The following GLIS3 variants were observed in gnomAD, a reference collection of about 807,000 sequenced individuals.
The protein encoded by GLIS3 is zinc finger protein GLIS3.
A neutral mutation model predicts 78.6 loss-of-function variants in GLIS3; 53 were observed. The ratio of observed to expected loss-of-function variants is 0.67; its 90% CI spans 0.54 to 0.85. GLIS3 has a LOEUF of 0.85. Ranked by LOEUF, GLIS3 falls within the 40% of genes least tolerant of loss-of-function variation. The pLI, the probability that GLIS3 is intolerant of heterozygous loss-of-function variation, is 0.00. For synonymous variants in GLIS3, 684 were observed against 509.9 expected (o/e 1.34, Z -4.60); for missense variants, 1,703 against 1,231.1 (o/e 1.38, Z -5.74).
intron 2 of GLIS3, among the ~76,000 whole-genome samples, chr9:4,285,099 G>A (rs963629417): frequency 8.5e-5 from 13 of 152,094 alleles, no homozygotes; most frequent in African/African-American, 2.9e-4. Context: ...TATTCTGAAG[G>A]TTGCTAGTAA....
chr9:4,320,116 T>G (rs1293787210), intron 2 of GLIS3, among the ~76,000 whole-genome samples: 2 of 152,112 alleles, frequency 1.3e-5, no homozygotes, highest in Non-Finnish European at 2.9e-5. Context: ...CTGGCAACAT[T>G]TGACTTCCCA....
intron 4 of GLIS3, among the ~76,000 whole-genome samples, chr9:4,077,568 G>A (rs1437171280): frequency 6.6e-6 from 1 of 152,194 alleles, no homozygotes; most frequent in Non-Finnish European, 1.5e-5. Flanking sequence ...ACCCTGGGTT[G>A]GCCGTTAAGC....
chr9:4,333,487 T>C (rs917601116), intron 2 of GLIS3, among the ~76,000 whole-genome samples: 2 of 152,248 alleles, frequency 1.3e-5, no homozygotes, highest in Non-Finnish European at 2.9e-5. Flanking sequence ...GAGAGATTTC[T>C]AGTCTTCTGA....
intron 2 of GLIS3, among the ~76,000 whole-genome samples, chr9:4,343,243 G>C (rs1215336622): frequency 6.6e-6 from 1 of 152,160 alleles, no homozygotes; most frequent in Admixed American, 6.5e-5. Context: ...TTGAAAGGCT[G>C]AGGTGGGAAG....
chr9:4,278,465 T>TC (rs1033856353), intron 2 of GLIS3, among the ~76,000 whole-genome samples: 10 of 152,244 alleles, frequency 6.6e-5, no homozygotes, highest in Middle Eastern at 3.4e-3. Flanking sequence ...TTCAAGGGGC[T>TC]CCCACTGGTC....
chr9:3,923,035 A>G (rs1314635754), intron 6 of GLIS3, among the ~76,000 whole-genome samples: 2 of 152,202 alleles, frequency 1.3e-5, no homozygotes, highest in Non-Finnish European at 2.9e-5. Flanking sequence ...GTCTCTCATG[A>G]TAGCATTTTG....
chr9:4,036,607 A>G (rs1824329301), intron 4 of GLIS3, among the ~76,000 whole-genome samples: 1 of 152,200 alleles, frequency 6.6e-6, no homozygotes, highest in Non-Finnish European at 1.5e-5. Context: ...AAAAACAGAG[A>G]GGCTACTGTG....
intron 2 of GLIS3, among the ~76,000 whole-genome samples, chr9:4,188,339 A>T (rs1818001776): frequency 6.7e-6 from 1 of 148,744 alleles, no homozygotes; most frequent in Admixed American, 6.8e-5. Flanking sequence ...CATCCCAGGG[A>T]TGAAGCCCAC....
chr9:4,013,764 T>TC (rs1286312536), intron 4 of GLIS3, among the ~76,000 whole-genome samples: 1 of 152,202 alleles, frequency 6.6e-6, no homozygotes, highest in East Asian at 1.9e-4. Context: ...GGGGCAGAAC[T>TC]CCTCCATGAA....
intron 4 of GLIS3, among the ~76,000 whole-genome samples, chr9:4,060,817 A>T (rs1826584350): frequency 6.6e-6 from 1 of 152,220 alleles, no homozygotes. Context: ...GGACTAAGAC[A>T]TGTGACATAT....
chr9:4,162,132 A>G (rs1229489652), intron 2 of GLIS3, among the ~76,000 whole-genome samples: 2 of 151,892 alleles, frequency 1.3e-5, no homozygotes, highest in African/African-American at 2.4e-5. Flanking sequence ...GTGATCTCCC[A>G]TCACCTCCTC....
At chr9:4,211,507 G>A (rs561674941) in intron 2 of GLIS3, among the ~76,000 whole-genome samples, 1 of 152,364 alleles carries the variant, frequency 6.6e-6, no homozygotes, top group Admixed American at 6.5e-5. Flanking sequence ...CAGACGGAGG[G>A]ATGAAAGGGC....
chr9:4,401,275 T>G, the GLIS3 span, among the ~76,000 whole-genome samples: 2 of 152,168 alleles, frequency 1.3e-5, no homozygotes, highest in Non-Finnish European at 2.9e-5. Flanking sequence ...TTTTTGTTTT[T>G]TGAGACAGAG....
chr9:4,353,725 G>T, the GLIS3 span, among the ~76,000 whole-genome samples: 2 of 152,132 alleles, frequency 1.3e-5, no homozygotes, highest in Non-Finnish European at 2.9e-5. Context: ...ATAGTCCTCC[G>T]TCGTTTTTCT....
intron 2 of GLIS3, among the ~76,000 whole-genome samples, chr9:4,191,333 A>G (rs1220402137): frequency 6.6e-6 from 1 of 152,208 alleles, no homozygotes; most frequent in Non-Finnish European, 1.5e-5. Flanking sequence ...TTTTCAACTG[A>G]GCATTTTAGA....
intron 1 of GLIS3, among the ~76,000 whole-genome samples, chr9:4,288,600 C>T (rs887206964): frequency 6.6e-5 from 10 of 152,066 alleles, no homozygotes; most frequent in African/African-American, 2.4e-4. Flanking sequence ...GGTGAGTTTG[C>T]AAGAAGGAAA....
chr9:4,079,027 C>T (rs566671458), intron 4 of GLIS3, among the ~76,000 whole-genome samples: 82 of 152,252 alleles, frequency 5.4e-4, no homozygotes, highest in African/African-American at 1.7e-3. Context: ...TAGAACCAAA[C>T]TCTTCCAAGG....
chr9:4,394,062 C>G, the GLIS3 span, among the ~76,000 whole-genome samples: 5 of 151,132 alleles, frequency 3.3e-5, no homozygotes, highest in Non-Finnish European at 7.4e-5. Context: ...AAACCCAATC[C>G]CAGGAAAATT....
intron 4 of GLIS3, among the ~76,000 whole-genome samples, chr9:3,974,112 T>C (rs1347618230): frequency 6.6e-6 from 1 of 152,148 alleles, no homozygotes; most frequent in Non-Finnish European, 1.5e-5. Flanking sequence ...CTTCAAGACC[T>C]TCCCAACCAT....
Sources: allele counts gnomAD v4.1 joint callset (sites outside exome capture counted in the v4.1 genomes callset), GRCh38; gene constraint gnomAD v4.1.1; transcripts MANE v1.5; gene names NCBI Gene and HGNC (gene_info 2026-07-23, HGNC 2026-07-21).